Variants in CDH11 observed in about 807,000 individuals in gnomAD.
CDH11 encodes the protein cadherin-11.
In CDH11, 11 loss-of-function variants were observed where a neutral mutation model predicts 67.8. The ratio of observed to expected loss-of-function variants is 0.16; its 90% CI spans 0.10 to 0.27. The LOEUF (loss-of-function observed/expected upper bound fraction) is 0.27, where lower values mean the gene tolerates loss of function less well. CDH11 is among the 10% of genes least tolerant of loss of function. The probability of loss-of-function intolerance (pLI) is 1.00; values close to 1 mark genes in which losing one functional copy is unlikely to be tolerated. For missense variants in CDH11, 847 were observed against 1,031.2 expected (o/e 0.82, Z 2.45); for synonymous variants, 419 against 400.0 (o/e 1.05, Z -0.57).
intron 2 of CDH11, among the ~76,000 whole-genome samples, chr16:65,041,031 T>C (rs1488869746): frequency 6.6e-6 from 1 of 152,204 alleles, no homozygotes; most frequent in Admixed American, 6.5e-5. Context: ...ACCAACATCC[T>C]GGTATTCTTC....
intron 1 of CDH11, among the ~76,000 whole-genome samples, chr16:65,065,464 C>T (rs898699779): frequency 6.6e-6 from 1 of 152,148 alleles, no homozygotes; most frequent in Admixed American, 6.5e-5. Context: ...AGGGCTGCTT[C>T]ACGAAAGGGA....
chr16:65,016,979 T>C (rs1265851806), intron 2 of CDH11, among the ~76,000 whole-genome samples: 1 of 152,202 alleles, frequency 6.6e-6, no homozygotes, highest in Non-Finnish European at 1.5e-5. Context: ...TAAACTGTTG[T>C]GGCACTGCTG....
chr16:64,958,951 A>C (rs571655219), intron 11 of CDH11, among the ~76,000 whole-genome samples: 1 of 152,066 alleles, frequency 6.6e-6, no homozygotes, highest in Non-Finnish European at 1.5e-5. Flanking sequence ...TCACAAACAA[A>C]CCAATGTGAA....
intron 2 of CDH11, among the ~76,000 whole-genome samples, chr16:65,012,771 C>G (rs538263346): frequency 6.6e-6 from 1 of 152,196 alleles, no homozygotes; most frequent in Non-Finnish European, 1.5e-5. Flanking sequence ...GTTATCAAAA[C>G]AGCAAACCTA....
chr16:65,090,273 T>A (rs139954501), intron 1 of CDH11, among the ~76,000 whole-genome samples: 1 of 152,152 alleles, frequency 6.6e-6, no homozygotes. Context: ...TCCAACATTG[T>A]GTTCCTGCTT....
At chr16:65,020,498 T>G in intron 2 of CDH11, among the ~76,000 whole-genome samples, 1 of 151,964 alleles carries the variant, frequency 6.6e-6, no homozygotes, top group East Asian at 1.9e-4. Flanking sequence ...CCCAGCTAAT[T>G]TTTTGTATTT....
chr16:65,076,276 C>T (rs1039060251), intron 1 of CDH11, among the ~76,000 whole-genome samples: 4 of 152,194 alleles, frequency 2.6e-5, no homozygotes, highest in Non-Finnish European at 2.9e-5. Context: ...TGCATCTAAG[C>T]TTGAAAGGCA....
intron 1 of CDH11, among the ~76,000 whole-genome samples, chr16:65,093,991 A>G (rs1291188800): frequency 6.6e-6 from 1 of 152,216 alleles, no homozygotes; most frequent in African/African-American, 2.4e-5. Context: ...CTCCAGGAGA[A>G]AGATGGACTC....
At chr16:65,112,556 GAT>G (rs2075178354) in intron 1 of CDH11, among the ~76,000 whole-genome samples, 1 of 152,122 alleles carries the variant, frequency 6.6e-6, no homozygotes, top group Non-Finnish European at 1.5e-5. Context: ...AAGCCCTCGT[GAT>G]TTGACCACTT....
At chr16:65,065,570 A>G (rs896131109) in intron 1 of CDH11, among the ~76,000 whole-genome samples, 6 of 152,198 alleles carry the variant, frequency 3.9e-5, no homozygotes, top group African/African-American at 1.4e-4. Context: ...ATGCCAGCAT[A>G]CTATTTATCC....
chr16:64,993,839 A>T (rs765842270), intron 4 of CDH11, among the ~76,000 whole-genome samples: 1 of 152,194 alleles, frequency 6.6e-6, no homozygotes, highest in African/African-American at 2.4e-5. Context: ...GAAGAAAACC[A>T]GTAATTATCG....
rs746707400 is a variant in CDH11, at chr16:65,054,305, A to G, written c.-297-377T>C. On this transcript the variant is annotated intron_variant, in intron 1 of 12. Coordinates refer to ENST00000268603, the MANE Select transcript of CDH11 (RefSeq NM_001797.4). ...CATTTCTGATAGAACCTATGTTCCAAAGCCAAAGCAATGTCTTCCTTCCTA... is the reference window on the plus strand; with the variant it reads ...CATTTCTGATAGAACCTATGTTCCAGAGCCAAAGCAATGTCTTCCTTCCTA... Among the ~76,000 whole-genome samples the G allele has an allele frequency of 2.0e-5, 3 of 152,302 alleles. No individual in the cohort carries two copies. The South Asian group carries it at 6.2e-4, about 32-fold the overall frequency.
chr16:64,982,350 T>C lies in CDH11; in HGVS notation c.1000-49A>G, dbSNP rs760744735. The C allele has an allele frequency of 3.4e-6, 5 of 1,464,276 alleles. No individual in the cohort carries two copies. In the Admixed American group the frequency reaches 7.2e-5, roughly 21 times the overall value. 90.7% of individuals were successfully genotyped at this position (1,464,276 alleles called of 1,614,324 possible). On this transcript the variant is annotated intron_variant, in intron 7 of 12. Coordinates refer to ENST00000268603, the MANE Select transcript of CDH11 (RefSeq NM_001797.4). ...GACAACCAATTCCTTGAAAGAATAA[T>C]GGAAGAGAAAGACCCGATTGTTTTA...
Position 64,992,997 on chromosome 16 carries a change from A to G in CDH11, c.561T>C (p.Asp187=). ...TGGCGCTATTTCCATAAGTGGGGTC[A>G]TCTGCATCTGAAGCTGTCACCTGGA... ...SVIQVTASDA[D]DPTYGNSAKL... The change falls in exon 5 of 13, where the codon GAT becomes GAC. Residue 187 remains aspartate, a synonymous_variant. Transcript: ENST00000268603. 2 of 1,611,450 alleles carry G rather than the reference A, an allele frequency of 1.2e-6. No homozygotes were observed. Among genetic ancestry groups the G allele is most frequent in the Non-Finnish European group, 1.7e-6 (2 of 1,177,580 alleles).
At chr16:65,112,757 A>C (rs1376751447) in intron 1 of CDH11, among the ~76,000 whole-genome samples, 3 of 152,330 alleles carry the variant, frequency 2.0e-5, no homozygotes, top group South Asian at 4.1e-4. Flanking sequence ...AGTAGGACAG[A>C]GCTTAAGGCC....
At chr16:64,963,245 G>A (rs2142402563) in intron 11 of CDH11, among the ~76,000 whole-genome samples, 1 of 152,278 alleles carries the variant, frequency 6.6e-6, no homozygotes, top group South Asian at 2.1e-4. Flanking sequence ...TGTAAGCAGA[G>A]AGATGGAAAT....
intron 1 of CDH11, among the ~76,000 whole-genome samples, chr16:65,075,129 G>A (rs565492117): frequency 2.0e-5 from 3 of 152,288 alleles, no homozygotes; most frequent in East Asian, 1.9e-4. Context: ...CACCATTTGT[G>A]GGTGTGCACT....
At position 64,945,161 on chromosome 16, in the gene CDH11, A is replaced by G; in HGVS notation, c.*2442T>C. Reference sequence around the variant, plus strand: ...AAACAGTGATTACTTTAGAATAAGGAAGGACCGTTTAAATTAAGACTTCTT... The same window carrying G: ...AAACAGTGATTACTTTAGAATAAGGGAGGACCGTTTAAATTAAGACTTCTT... On this transcript the variant is annotated 3_prime_UTR_variant, in exon 13 of 13. Transcript: ENST00000268603. 4.9e-6 allele frequency: 1 copy of G among 204,358 alleles called. No homozygotes were observed. Among genetic ancestry groups the G allele is most frequent in the East Asian group, 7.6e-5 (1 of 13,204 alleles). The allele number at this position is 204,358 out of a possible 1,614,324, so 12.7% of individuals were successfully genotyped here.
chr16:65,100,558 G>C (rs887003310), intron 1 of CDH11, among the ~76,000 whole-genome samples: 8 of 151,974 alleles, frequency 5.3e-5, no homozygotes, highest in African/African-American at 1.9e-4. Flanking sequence ...TTGACACGGT[G>C]AAACTCCGTC....
Sources: gnomAD v4.1 joint callset for allele counts (sites outside exome capture counted in the v4.1 genomes callset) on GRCh38, gnomAD v4.1.1 for gene constraint, MANE v1.5 for transcripts, NCBI Gene and HGNC (gene_info 2026-07-23, HGNC 2026-07-21) for gene names.